RAPH1: variants seen among roughly 807,000 people sequenced by gnomAD.
RAPH1 encodes the protein Ras association (RalGDS/AF-6) and pleckstrin homology domains 1, also known as ras-associated and pleckstrin homology domains-containing protein 1.
Under a neutral mutation model 88.1 loss-of-function variants are expected in RAPH1, and 18 were observed. The observed-to-expected ratio is 0.20, with a 90% CI of 0.14 to 0.30. The LOEUF is 0.30. Among genes scored for constraint, RAPH1 ranks in the 10% least tolerant of loss-of-function variants. The pLI is 1.00. For missense variants in RAPH1, 1,448 were observed against 1,543.2 expected (o/e 0.94, Z 1.03); for synonymous variants, 587 against 559.0 (o/e 1.05, Z -0.71).
At chr2:203,506,860 A>ATATATATCTC (rs1559494867) in intron 1 of RAPH1, among the ~76,000 whole-genome samples, 3 of 78,928 alleles carry the variant, frequency 3.8e-5, no homozygotes, top group Admixed American at 1.4e-4. Context: ...CTATATCTAT[A>ATATATATCTC]TATATATATA....
At position 203,434,079 on chromosome 2, in the gene RAPH1, T is replaced by TATATAG. The variant is rs1469344221; in HGVS notation, c.*5357_*5358insCTATAT. 46 of 150,526 alleles carry TATATAG rather than the reference T, an allele frequency of 3.1e-4. No homozygotes were observed. The highest frequency in any genetic ancestry group is 1.1e-3 in the African/African-American group (44 of 40,652). 9.3% of individuals were successfully genotyped at this position (150,526 alleles called of 1,614,324 possible). ...ATCTATATATATATATATATATATA[T>TATATAG]AGCTTTGCACAATCAGGGAGCAAGG... On this transcript the variant is annotated 3_prime_UTR_variant, in exon 14 of 14. Transcript: ENST00000319170.
intron 4 of RAPH1, among the ~76,000 whole-genome samples, chr2:203,486,342 T>A (rs1474022636): frequency 6.6e-6 from 1 of 152,174 alleles, no homozygotes; most frequent in Non-Finnish European, 1.5e-5. Flanking sequence ...TTCAAGTATA[T>A]AGTCATTTTA....
At chr2:203,501,962 T>A (rs940563421) in intron 1 of RAPH1, among the ~76,000 whole-genome samples, 5 of 152,206 alleles carry the variant, frequency 3.3e-5, no homozygotes, top group African/African-American at 1.2e-4. Context: ...CCTGAGTAGC[T>A]GGGACGACAG....
At chr2:203,485,196 G>A (rs1395351081) in intron 4 of RAPH1, among the ~76,000 whole-genome samples, 1 of 152,078 alleles carries the variant, frequency 6.6e-6, no homozygotes, top group African/African-American at 2.4e-5. Context: ...TTGAGGTCAG[G>A]AGTTCGAGAC....
At chr2:203,470,177 A>G in intron 4 of RAPH1, 2 of 1,096,778 alleles carry the variant, frequency 1.8e-6, no homozygotes, top group East Asian at 4.8e-5. Flanking sequence ...ATGATCAAAA[A>G]CAGAAATCAT....
Position 203,448,152 on chromosome 2 carries a change from G to T in RAPH1, c.1513-73C>A. Reference sequence around the variant, plus strand: ...ATACAGAAGGATAAGGTGAAATGGGGGACATATTTCTGTTTACTGATTGAT... The same window carrying T: ...ATACAGAAGGATAAGGTGAAATGGGTGACATATTTCTGTTTACTGATTGAT... On this transcript the variant is annotated intron_variant, in intron 11 of 13. Coordinates refer to ENST00000319170, the MANE Select transcript of RAPH1 (RefSeq NM_213589.3). This position sits in a 1 kb window ranked among gnomAD's most constrained non-coding sequence, Gnocchi z 4.1. 1 of 1,438,426 alleles carries T rather than the reference G, an allele frequency of 7.0e-7. No homozygotes were observed. The highest frequency in any genetic ancestry group is 9.6e-7 in the Non-Finnish European group (1 of 1,044,372). 89.1% of individuals were successfully genotyped at this position (1,438,426 alleles called of 1,614,324 possible). A position where few individuals can be genotyped will look rare whatever the true frequency, so the allele number is the denominator to read the frequency against.
At chr2:203,442,013 A>G (rs2098504701) in intron 13 of RAPH1, 11 of 1,559,402 alleles carry the variant, frequency 7.1e-6, no homozygotes, top group South Asian at 6.3e-5. Flanking sequence ...GTGTGAGACA[A>G]TTGCATCCAA....
rs2098501147 is a variant in RAPH1, at chr2:203,439,408, G to A, written c.*29C>T. ...TGAGCTGATTGTAGCAGTGATTACA[G>A]ATATCATGAAAATAAAGTCCTATGG... is the stretch of plus-strand genomic sequence containing the variant. On this transcript the variant is annotated 3_prime_UTR_variant, in exon 14 of 14. Coordinates refer to ENST00000319170, the MANE Select transcript of RAPH1 (RefSeq NM_213589.3). 1 of 1,598,530 alleles carries A rather than the reference G, an allele frequency of 6.3e-7. No homozygotes were observed. The highest frequency in any genetic ancestry group is 1.7e-5 in the Admixed American group (1 of 59,520).
chr2:203,458,356 A>G (rs2098521530), intron 7 of RAPH1, among the ~76,000 whole-genome samples: 1 of 152,022 alleles, frequency 6.6e-6, no homozygotes, highest in Non-Finnish European at 1.5e-5. Flanking sequence ...GCGAGACTCC[A>G]TCTCAAAAAA....
In RAPH1 at chr2:203,495,287, C is replaced by T. The variant is rs1242313487; in HGVS notation, c.67G>A (p.Asp23Asn). 1.2e-6 allele frequency: 2 copies of T among 1,613,974 alleles called. No homozygotes were observed. Among genetic ancestry groups the T allele is most frequent in the Non-Finnish European group, 1.7e-6 (2 of 1,180,014 alleles). Residue 23 changes from aspartate (D) to asparagine (N), a missense_variant, in exon 2 of 14, where the codon GAC (aspartate) becomes AAC (asparagine). Physicochemically the swap from Asp to Asn is conservative, Grantham distance 23. Coordinates refer to ENST00000319170, the MANE Select transcript of RAPH1 (RefSeq NM_213589.3). ...CAGGCTCCAAACATTTTGTCCAGGTCCTGATCTTCCTTGTCACTGTCTTCT... is the reference window on the plus strand; with the variant it reads ...CAGGCTCCAAACATTTTGTCCAGGTTCTGATCTTCCTTGTCACTGTCTTCT... ...AEEDSDKEDQ[D>N]LDKMFGAWLG...
chr2:203,492,049 C>CG (rs1324170247), intron 2 of RAPH1, among the ~76,000 whole-genome samples: 1 of 151,866 alleles, frequency 6.6e-6, no homozygotes, highest in Non-Finnish European at 1.5e-5. Flanking sequence ...ACTTGGCCAA[C>CG]GGGGCGAAAC....
rs71757799 is a variant in RAPH1, at chr2:203,433,833, ATTTT to A, written c.*5600_*5603del. 1 of 152,344 alleles carries A rather than the reference ATTTT, an allele frequency of 6.6e-6. No homozygotes were observed. The highest frequency in any genetic ancestry group is 1.5e-5 in the Non-Finnish European group (1 of 67,978). The allele number at this position is 152,344 out of a possible 1,614,324, so 9.4% of individuals were successfully genotyped here. The stretch of plus-strand genomic sequence containing the variant: ...CCCCATGTTTAAATGAAATCTATGA[ATTTT>A]TTTTATTAAGGATTTGATAAGCTGA... On this transcript the variant is annotated 3_prime_UTR_variant, in exon 14 of 14. Transcript: ENST00000319170.
At position 203,435,649 on chromosome 2, in the gene RAPH1, C is replaced by G. The variant is rs1418491495; in HGVS notation, c.*3788G>C. On this transcript the variant is annotated 3_prime_UTR_variant, in exon 14 of 14. Transcript: ENST00000319170. ...AAAAGCAAGGCATCACATTGATAAC[C>G]ATACAGGATCCTATGGGTTTAACTG... 1 of 152,044 alleles carries G rather than the reference C, an allele frequency of 6.6e-6. No homozygotes were observed. Among genetic ancestry groups the G allele is most frequent in the African/African-American group, 2.4e-5 (1 of 41,386 alleles). 9.4% of individuals were successfully genotyped at this position (152,044 alleles called of 1,614,324 possible).
At chr2:203,493,931 A>ACT (rs947349535) in intron 2 of RAPH1, among the ~76,000 whole-genome samples, 2 of 139,526 alleles carry the variant, frequency 1.4e-5, no homozygotes, top group African/African-American at 5.5e-5. Context: ...AGATCACACC[A>ACT]CTGCACTCCA....
chr2:203,440,578 G>C lies in RAPH1; in HGVS notation c.2612C>G (p.Pro871Arg), dbSNP rs754124394. Residue 871 changes from proline to arginine, a missense_variant, in exon 14 of 14, where the codon CCC becomes CGC. This residue lies in a region of RAPH1 where 935 missense variants were observed against 890.1 expected (regional missense o/e 1.05). Coordinates refer to ENST00000319170, the MANE Select transcript of RAPH1 (RefSeq NM_213589.3). ...VVKQIASQFP[P>R]PPTPPAMESQ... ...TTCCATGGCAGGGGGAGTTGGAGGGGGTGGAAACTGGCTGGCTATCTGCTT... is the reference window on the plus strand; with the variant it reads ...TTCCATGGCAGGGGGAGTTGGAGGGCGTGGAAACTGGCTGGCTATCTGCTT... 3 of 1,554,082 alleles carry C rather than the reference G, an allele frequency of 1.9e-6. No homozygotes were observed. The highest frequency in any genetic ancestry group is 1.9e-5 in the Admixed American group (1 of 53,326).
chr2:203,525,190 T>C (rs1368321231), intron 1 of RAPH1, among the ~76,000 whole-genome samples: 1 of 152,192 alleles, frequency 6.6e-6, no homozygotes, highest in African/African-American at 2.4e-5. Context: ...TAACATCTTC[T>C]TTTTTGTTTT....
chr2:203,490,112 T>C (rs1401204484), intron 3 of RAPH1, 23 bp from the exon 4 acceptor site: 3 of 1,547,244 alleles, frequency 1.9e-6, no homozygotes, highest in Non-Finnish European at 2.6e-6. Flanking sequence ...ACACATAATG[T>C]TTCCAGAATT....
intron 1 of RAPH1, among the ~76,000 whole-genome samples, chr2:203,504,307 C>T (rs75387231): frequency 0.015 from 2,345 of 152,282 alleles, 48 homozygotes; most frequent in African/African-American, 0.053. Context: ...AAATCTAGGC[C>T]GAAGTTTCTA....
intron 4 of RAPH1, among the ~76,000 whole-genome samples, chr2:203,479,742 AAAAAC>A (rs1472315945): frequency 6.6e-6 from 1 of 152,236 alleles, no homozygotes; most frequent in Admixed American, 6.5e-5. Context: ...GTGAAGTGAC[AAAAAC>A]AATACAAAAT....
Sources: gnomAD v4.1 joint callset for allele counts (sites outside exome capture counted in the v4.1 genomes callset) on GRCh38, gnomAD v4.1.1 for gene constraint, gnomAD v4.1.1 regional missense constraint, Gnocchi (gnomAD v3.1) non-coding constraint, MANE v1.5 for transcripts, NCBI Gene and HGNC (gene_info 2026-07-23, HGNC 2026-07-21) for gene names.